SLIT1: variants seen among roughly 807,000 people sequenced by gnomAD.
SLIT1 encodes slit guidance ligand 1, also known as slit homolog 1 protein.
In SLIT1, 66 loss-of-function variants were observed where a neutral mutation model predicts 186.1. The observed-to-expected ratio is 0.35, with a 90% confidence interval of 0.29 to 0.44. SLIT1 has a LOEUF of 0.44. Among genes scored for constraint, SLIT1 ranks in the 20% least tolerant of loss-of-function variants. SLIT1 has a pLI of 1.00. For synonymous variants in SLIT1, 761 were observed against 833.8 expected (o/e 0.91, Z 1.50); for missense variants, 1,638 against 2,037.4 (o/e 0.80, Z 3.77).
chr10:97,148,856 C>T (rs985998831), intron 4 of SLIT1, among the ~76,000 whole-genome samples: 1 of 152,184 alleles, frequency 6.6e-6, no homozygotes, highest in Non-Finnish European at 1.5e-5. Context: ...TTCACAAGAG[C>T]CCGTTCCTGC....
At chr10:97,009,657 C>A (rs1262081201) in intron 31 of SLIT1, among the ~76,000 whole-genome samples, 1 of 151,764 alleles carries the variant, frequency 6.6e-6, no homozygotes, top group Non-Finnish European at 1.5e-5. Context: ...CTAGATATAC[C>A]CAAATTAAAC....
At chr10:97,056,292 G>C (rs1369309899) in intron 13 of SLIT1, 29 bp downstream of exon 13, 1 of 1,612,230 alleles carries the variant, frequency 6.2e-7, no homozygotes, top group South Asian at 1.1e-5. Context: ...TGCTGGGAGG[G>C]GAGAAGAAGA....
At chr10:97,084,196 A>G (rs1261497132) in intron 4 of SLIT1, among the ~76,000 whole-genome samples, 1 of 152,140 alleles carries the variant, frequency 6.6e-6, no homozygotes, top group Non-Finnish European at 1.5e-5. Flanking sequence ...TTAGCATCCA[A>G]TTTGGCCCAA....
At chr10:97,166,702 T>G (rs1040454467) in intron 1 of SLIT1, among the ~76,000 whole-genome samples, 26 of 152,034 alleles carry the variant, frequency 1.7e-4, no homozygotes, top group African/African-American at 5.8e-4. Flanking sequence ...GCGAGCTTGA[T>G]CTGGGTTGCT....
intron 14 of SLIT1, 27 bp from the exon 15 acceptor site, chr10:97,048,023 AT>A: frequency 6.2e-7 from 1 of 1,613,850 alleles, no homozygotes; most frequent in Non-Finnish European, 8.5e-7. Context: ...AAATACCATA[AT>A]GCAGGAATCA....
At chr10:97,175,300 G>C (rs1439318835) in intron 1 of SLIT1, among the ~76,000 whole-genome samples, 72 of 152,142 alleles carry the variant, frequency 4.7e-4, no homozygotes, top group Admixed American at 4.6e-3. Flanking sequence ...TCTGTTGGTG[G>C]ACATGTGGCT....
chr10:97,041,451 G>A (rs1848689722), intron 20 of SLIT1, among the ~76,000 whole-genome samples: 1 of 151,236 alleles, frequency 6.6e-6, no homozygotes, highest in Non-Finnish European at 1.5e-5. Context: ...ATGGGGGCCG[G>A]GGGGTAGTGG....
intron 25 of SLIT1, among the ~76,000 whole-genome samples, chr10:97,029,056 G>A (rs1848569455): frequency 6.6e-6 from 1 of 152,126 alleles, no homozygotes; most frequent in Non-Finnish European, 1.5e-5. Flanking sequence ...TGTGGAGCTG[G>A]CTCATAACAT....
In SLIT1 at chr10:97,057,298, A is replaced by G. The variant is rs752424180; in HGVS notation, c.1086-17T>C. ...TAGAGGACCCTGGAGAAAAGGCAGCAGAGAGGAGGGTTAGAGGACAGCCCA... is the reference window on the plus strand; with the variant it reads ...TAGAGGACCCTGGAGAAAAGGCAGCGGAGAGGAGGGTTAGAGGACAGCCCA... On this transcript the variant is annotated splice_polypyrimidine_tract_variant and intron_variant, in intron 11 of 36. Coordinates refer to ENST00000266058, the MANE Select transcript of SLIT1 (RefSeq NM_003061.3). 1 of 1,612,270 alleles carries G rather than the reference A, an allele frequency of 6.2e-7. No homozygotes were observed.
At chr10:97,062,753 C>G (rs1299762259) in intron 8 of SLIT1, among the ~76,000 whole-genome samples, 1 of 152,212 alleles carries the variant, frequency 6.6e-6, no homozygotes, top group Non-Finnish European at 1.5e-5. Flanking sequence ...TGGCCCTGGC[C>G]AAGCTTGCAG....
chr10:97,073,416 C>T (rs1330378249), intron 4 of SLIT1, among the ~76,000 whole-genome samples: 2 of 152,298 alleles, frequency 1.3e-5, no homozygotes, highest in Middle Eastern at 3.4e-3. Flanking sequence ...TGGAAGCGGG[C>T]GGGATCTGCG....
chr10:97,060,188 A>G (rs781387147), intron 9 of SLIT1, 30 bp from the exon 10 acceptor site: 1 of 1,592,374 alleles, frequency 6.3e-7, no homozygotes, highest in East Asian at 2.2e-5. Context: ...GGGAAGCCCA[A>G]GGGCCCAGGT....
At chr10:97,177,006 G>A (rs1850265136) in intron 1 of SLIT1, among the ~76,000 whole-genome samples, 1 of 152,166 alleles carries the variant, frequency 6.6e-6, no homozygotes, top group Non-Finnish European at 1.5e-5. Context: ...TGTGCCCTGG[G>A]CACTCCAGAA....
chr10:97,029,535 G>A (rs1848573827), intron 25 of SLIT1, among the ~76,000 whole-genome samples: 1 of 152,206 alleles, frequency 6.6e-6, no homozygotes, highest in African/African-American at 2.4e-5. Flanking sequence ...AGGAGAGAAT[G>A]TGCCTGCTCA....
chr10:97,078,358 C>T (rs2134651612), intron 4 of SLIT1, among the ~76,000 whole-genome samples: 1 of 152,296 alleles, frequency 6.6e-6, no homozygotes, highest in East Asian at 1.9e-4. Context: ...CAGCCCCCTC[C>T]TTCTCCCTCC....
intron 1 of SLIT1, among the ~76,000 whole-genome samples, chr10:97,167,983 G>A (rs28694302): frequency 3.3e-5 from 5 of 152,142 alleles, no homozygotes; most frequent in Admixed American, 6.5e-5. Context: ...ACCCAGTCTC[G>A]GGTATGTCTT....
At chr10:97,110,359 C>G (rs756077726) in intron 4 of SLIT1, among the ~76,000 whole-genome samples, 1 of 152,176 alleles carries the variant, frequency 6.6e-6, no homozygotes, top group Non-Finnish European at 1.5e-5. Flanking sequence ...AACTGTGCAC[C>G]AGGAAGCACC....
At chr10:97,167,925 C>T (rs1850141294) in intron 1 of SLIT1, among the ~76,000 whole-genome samples, 1 of 152,214 alleles carries the variant, frequency 6.6e-6, no homozygotes, top group Non-Finnish European at 1.5e-5. Context: ...GAGGCCTCCC[C>T]AGCCCTGTGG....
chr10:97,060,219 T>C (rs372181634), intron 9 of SLIT1, 61 bp from the exon 10 acceptor site: 4 of 1,332,206 alleles, frequency 3.0e-6, no homozygotes, highest in South Asian at 2.3e-5. Flanking sequence ...CTGGGTGTTA[T>C]CTGCTGGGCT....
Sources: gnomAD v4.1 joint callset for allele counts (sites outside exome capture counted in the v4.1 genomes callset) on GRCh38, gnomAD v4.1.1 for gene constraint, MANE v1.5 for transcripts, NCBI Gene and HGNC (gene_info 2026-07-23, HGNC 2026-07-21) for gene names.